The following PAPPA variants were observed in gnomAD, a reference collection of about 807,000 sequenced individuals.
PAPPA encodes the protein pappalysin 1.
Under a neutral mutation model 164.0 loss-of-function variants are expected in PAPPA, and 60 were observed. The observed-to-expected ratio is 0.37, with a 90% CI of 0.30 to 0.45. PAPPA has a LOEUF of 0.45. Ranked by LOEUF, PAPPA falls within the 20% of genes least tolerant of loss-of-function variation. The probability of loss-of-function intolerance (pLI) is 1.00; values close to 1 mark genes in which losing one functional copy is unlikely to be tolerated. For missense variants in PAPPA, 1,782 were observed against 2,087.3 expected, an observed-to-expected ratio of 0.85 and a Z score of 2.85; for synonymous variants, 875 against 814.1, an observed-to-expected ratio of 1.07 and a Z score of -1.27.
At chr9:116,261,516 C>T (rs1358089696) in intron 7 of PAPPA, among the ~76,000 whole-genome samples, 3 of 152,142 alleles carry the variant, frequency 2.0e-5, no homozygotes, top group Non-Finnish European at 4.4e-5. Flanking sequence ...CAGACCCCCG[C>T]AAAATCACAT....
intron 9 of PAPPA, among the ~76,000 whole-genome samples, chr9:116,297,308 G>A (rs1368419786): frequency 6.6e-6 from 1 of 152,178 alleles, no homozygotes; most frequent in Non-Finnish European, 1.5e-5. Context: ...AGAACACATT[G>A]ACTTCAGTTA....
intron 13 of PAPPA, 59 bp from the exon 14 acceptor site, chr9:116,344,484 A>G: frequency 6.5e-7 from 1 of 1,531,708 alleles, no homozygotes; most frequent in African/African-American, 1.4e-5. Flanking sequence ...TTATCTTCCA[A>G]CTGAGCATAG....
At chr9:116,174,402 C>A (rs141352322) in intron 1 of PAPPA, among the ~76,000 whole-genome samples, 95 of 152,250 alleles carry the variant, frequency 6.2e-4, no homozygotes, top group African/African-American at 2.1e-3. Flanking sequence ...TCAGCCCACA[C>A]TGTGTGGGCT....
chr9:116,280,765 T>C (rs1188961478), intron 9 of PAPPA, among the ~76,000 whole-genome samples: 1 of 152,256 alleles, frequency 6.6e-6, no homozygotes, highest in Non-Finnish European at 1.5e-5. Context: ...CTGCCTGTTT[T>C]CATAGACAAA....
chr9:116,231,397 A>C (rs1411346194), intron 6 of PAPPA, among the ~76,000 whole-genome samples: 1 of 149,770 alleles, frequency 6.7e-6, no homozygotes, highest in African/African-American at 2.5e-5. Context: ...TCCTGTCCTT[A>C]CCTTCCGACT....
chr9:116,204,458 A>G (rs75835229), intron 2 of PAPPA, among the ~76,000 whole-genome samples: 1 of 152,310 alleles, frequency 6.6e-6, no homozygotes, highest in East Asian at 1.9e-4. Context: ...TCTATTGCCC[A>G]AGTGGGAGTA....
chr9:116,361,911 G>A (rs1263715497), intron 17 of PAPPA, among the ~76,000 whole-genome samples: 1 of 152,194 alleles, frequency 6.6e-6, no homozygotes, highest in East Asian at 1.9e-4. Flanking sequence ...TTTGCCTAAT[G>A]CTTTGCAGAA....
chr9:116,313,386 A>G (rs895225497), intron 10 of PAPPA, among the ~76,000 whole-genome samples: 8 of 152,210 alleles, frequency 5.3e-5, no homozygotes, highest in African/African-American at 1.9e-4. Context: ...CCTTCCTGGA[A>G]GAGAGGCCCC....
At chr9:116,396,001 A>G (rs1379937397) in intron 21 of PAPPA, among the ~76,000 whole-genome samples, 1 of 152,120 alleles carries the variant, frequency 6.6e-6, no homozygotes, top group Non-Finnish European at 1.5e-5. Context: ...GTGCACGACA[A>G]TTTTCCACCC....
intron 4 of PAPPA, among the ~76,000 whole-genome samples, chr9:116,215,143 G>A (rs1017800345): frequency 6.6e-6 from 1 of 152,166 alleles, no homozygotes; most frequent in African/African-American, 2.4e-5. Flanking sequence ...ATGAACAGAA[G>A]TGGAATAACA....
At chr9:116,249,489 G>A (rs1844834852) in intron 7 of PAPPA, among the ~76,000 whole-genome samples, 1 of 152,166 alleles carries the variant, frequency 6.6e-6, no homozygotes, top group Non-Finnish European at 1.5e-5. Flanking sequence ...TGTCTGTAAG[G>A]TAAGAGAAGA....
chr9:116,315,601 C>T (rs1462038225), intron 10 of PAPPA, among the ~76,000 whole-genome samples: 1 of 152,166 alleles, frequency 6.6e-6, no homozygotes. Flanking sequence ...AGCAATTTTC[C>T]TGTGATTGGC....
Position 116,154,637 on chromosome 9 carries a change from G to C in PAPPA, c.415+50G>C. ...GCTGCACCGTCCCTGCGGCCCCAGA[G>C]GCTCGCGGGTGTCTGGGCGCGGGTG... On this transcript the variant is annotated intron_variant, in intron 1 of 21. Coordinates refer to ENST00000328252, the MANE Select transcript of PAPPA (RefSeq NM_002581.5). The surrounding 1 kb of genome is among the most constrained non-coding windows in gnomAD (Gnocchi z 5.2). 1 of 1,278,102 alleles carries C rather than the reference G, an allele frequency of 7.8e-7. No homozygotes were observed. Among genetic ancestry groups the C allele is most frequent in the Non-Finnish European group, 9.9e-7 (1 of 1,011,376 alleles). The allele number at this position is 1,278,102 out of a possible 1,614,324, so 79.2% of individuals were successfully genotyped here. A position where few individuals can be genotyped will look rare whatever the true frequency, so the allele number is the denominator to read the frequency against.
At chr9:116,238,143 C>T (rs755357146) in intron 7 of PAPPA, among the ~76,000 whole-genome samples, 26 of 152,056 alleles carry the variant, frequency 1.7e-4, no homozygotes, top group Non-Finnish European at 3.2e-4. Flanking sequence ...TAAGGCCTGA[C>T]CATTAGAACT....
At chr9:116,200,018 T>A (rs1406142885) in intron 2 of PAPPA, among the ~76,000 whole-genome samples, 1 of 152,062 alleles carries the variant, frequency 6.6e-6, no homozygotes, top group Non-Finnish European at 1.5e-5. Context: ...ACAAACACCT[T>A]CCACTAGGCT....
chr9:116,205,702 T>C (rs199757130), intron 2 of PAPPA, among the ~76,000 whole-genome samples: 2 of 152,332 alleles, frequency 1.3e-5, no homozygotes, highest in East Asian at 3.9e-4. Flanking sequence ...TAGCTAAACA[T>C]GCACTGAGGC....
chr9:116,304,955 G>C (rs1434043519), intron 10 of PAPPA, among the ~76,000 whole-genome samples: 1 of 151,992 alleles, frequency 6.6e-6, no homozygotes, highest in Non-Finnish European at 1.5e-5. Context: ...GGTCGGGGAG[G>C]GAATATGTGT....
At chr9:116,330,966 A>T (rs1392934613) in intron 10 of PAPPA, among the ~76,000 whole-genome samples, 2 of 152,160 alleles carry the variant, frequency 1.3e-5, no homozygotes, top group Non-Finnish European at 2.9e-5. Flanking sequence ...TTCCAGGCCC[A>T]AATCAAATAA....
chr9:116,331,205 T>C, intron 10 of PAPPA, 39 bp from the exon 11 acceptor site: 4 of 1,266,784 alleles, frequency 3.2e-6, no homozygotes, highest in Non-Finnish European at 4.6e-6. Flanking sequence ...CTTCTGACAC[T>C]CTCTAAAACA....
Sources: gnomAD v4.1 joint callset for allele counts (sites outside exome capture counted in the v4.1 genomes callset) on GRCh38, gnomAD v4.1.1 for gene constraint, Gnocchi (gnomAD v3.1) non-coding constraint, MANE v1.5 for transcripts, NCBI Gene and HGNC (gene_info 2026-07-23, HGNC 2026-07-21) for gene names.